The following TYK2 variants were observed in gnomAD, a reference collection of about 807,000 sequenced individuals.
The protein encoded by TYK2 is tyrosine kinase 2, also known as non-receptor tyrosine-protein kinase TYK2.
In TYK2, 65 loss-of-function variants were observed where a neutral mutation model predicts 130.9. That is an observed-to-expected ratio of 0.50 (90% confidence interval 0.41 to 0.61). The LOEUF (loss-of-function observed/expected upper bound fraction) is 0.61, where lower values mean the gene tolerates loss of function less well. TYK2 is among the 20% of genes least tolerant of loss of function. The pLI, the probability that TYK2 is intolerant of heterozygous loss-of-function variation, is 0.00. For missense variants in TYK2, 1,378 were observed against 1,610.7 expected (o/e 0.86, Z 2.47); for synonymous variants, 647 against 658.9 (o/e 0.98, Z 0.28).
rs554110174 is a variant in TYK2, at chr19:10,353,731, A to C, written c.2909-85T>G. ...ACCTTGAGCCCAGCAGAGCCCCTCC[A>C]AGGTCGGGAGGGAAGGCCAAGACCC... On this transcript the variant is annotated intron_variant, in intron 20 of 24. Coordinates refer to ENST00000525621, the MANE Select transcript of TYK2 (RefSeq NM_003331.5). The surrounding 1 kb of genome is among the most constrained non-coding windows in gnomAD (Gnocchi z 6.9). 84 of 1,093,772 alleles carry C rather than the reference A, an allele frequency of 7.7e-5. No homozygotes were observed. In the African/African-American group the frequency reaches 1.2e-3, roughly 15 times the overall value. 67.8% of individuals were successfully genotyped at this position (1,093,772 alleles called of 1,614,324 possible).
At chr19:10,371,735 T>C (rs1232146763) in intron 3 of TYK2, among the ~76,000 whole-genome samples, 1 of 152,316 alleles carries the variant, frequency 6.6e-6, no homozygotes, top group Non-Finnish European at 1.5e-5. Context: ...TAAAGCTTCA[T>C]GCAGAATGAC....
intron 3 of TYK2, among the ~76,000 whole-genome samples, chr19:10,372,224 A>T (rs1019208471): frequency 5.4e-5 from 8 of 148,076 alleles, no homozygotes; most frequent in African/African-American, 1.5e-4. Context: ...CAATCTCCTG[A>T]CCTCATGATT....
chr19:10,372,971 C>T (rs1010452387), intron 3 of TYK2, among the ~76,000 whole-genome samples: 1 of 151,958 alleles, frequency 6.6e-6, no homozygotes, highest in Non-Finnish European at 1.5e-5. Context: ...TCAAGTCATT[C>T]TCCTGTCTCA....
chr19:10,359,884 TG>T (rs575112767), intron 14 of TYK2, among the ~76,000 whole-genome samples: 60 of 151,518 alleles, frequency 4.0e-4, no homozygotes, highest in African/African-American at 1.3e-3. Flanking sequence ...CCAGGCATGG[TG>T]GTGGGCGCCG....
At position 10,368,339 on chromosome 19, in the gene TYK2, T is replaced by C. The variant is rs750751383; in HGVS notation, c.273A>G (p.Leu91=). 4 of 1,614,088 alleles carry C rather than the reference T, an allele frequency of 2.5e-6. No homozygotes were observed. The South Asian group carries it at 4.4e-5, about 18-fold the overall frequency. Residue 91 remains leucine (L), a synonymous_variant, in exon 4 of 25, where the codon CTA becomes CTG. Transcript: ENST00000525621. ...AQVWLPPNHI[L]EIPRDASLML... The stretch of plus-strand genomic sequence containing the variant: ...TCAGGCTTGCATCTCTGGGGATCTC[T>C]AGGATGTGGTTTGGGGGCAACCAGA...
intron 3 of TYK2, among the ~76,000 whole-genome samples, chr19:10,371,129 C>A (rs951767238): frequency 4.6e-5 from 7 of 151,804 alleles, no homozygotes; most frequent in Non-Finnish European, 7.4e-5. Context: ...CCATGCCCAG[C>A]TGATTTTTGT....
chr19:10,357,840 T>G lies in TYK2; in HGVS notation c.2390A>C (p.Lys797Thr), dbSNP rs1462090710. 1 of 1,613,586 alleles carries G rather than the reference T, an allele frequency of 6.2e-7. No individual in the cohort carries two copies. Among genetic ancestry groups the G allele is most frequent in the East Asian group, 2.2e-5 (1 of 44,878 alleles). Residue 797 changes from lysine (K) to threonine (T), a missense_variant, in exon 17 of 25, where the codon AAG (lysine) becomes ACG (threonine). Coordinates refer to ENST00000525621, the MANE Select transcript of TYK2 (RefSeq NM_003331.5). ...CAGGAGGGTGGCGCCAAACCCCCACTTGTCCATGGCGGTGCTTAGGCTGTT... is the reference window on the plus strand; with the variant it reads ...CAGGAGGGTGGCGCCAAACCCCCACGTGTCCATGGCGGTGCTTAGGCTGTT... The part of the protein sequence containing the change: ...GANSLSTAMD[K>T]WGFGATLLEI...
Position 10,365,809 on chromosome 19 carries a change from C to G in TYK2, c.719G>C (p.Arg240Thr). The G allele has an allele frequency of 6.2e-7, 1 of 1,612,426 alleles. No individual in the cohort carries two copies. The highest frequency in any genetic ancestry group is 1.7e-4 in the Middle Eastern group (1 of 6,060). ...GCCCGGCTGGAAGTCCCGCAGGAAC[C>G]TGCGGAAGACGTTCCGAAGGCGCAG... ...TRLRLRNVFR[R>T]FLRDFQPGRL... Residue 240 changes from arginine (R) to threonine (T), a missense_variant, in exon 7 of 25, where the codon AGG (arginine) becomes ACG (threonine). Coordinates refer to ENST00000525621, the MANE Select transcript of TYK2 (RefSeq NM_003331.5).
Position 10,365,759 on chromosome 19 carries a change from C to A in TYK2, c.769G>T (p.Val257Phe), listed in dbSNP as rs756150650. Residue 257 changes from valine (V) to phenylalanine (F), a missense_variant, in exon 7 of 25, where the codon GTC becomes TTC. Val to Phe is a conservative substitution (Grantham distance 50, BLOSUM62 -1). Transcript: ENST00000525621. ...PGRLSQQMVMVKYLATLERLA... is the reference protein window; with the variant it reads ...PGRLSQQMVMFKYLATLERLA... ...CGCTCGAGTGTGGCTAGGTATTTGA[C>A]CATGACCATCTGCTGGGAGAGTCGG... 2.5e-6 allele frequency: 4 copies of A among 1,612,756 alleles called. No homozygotes were observed. The African/African-American group carries it at 5.3e-5, about 22-fold the overall frequency.
chr19:10,371,439 G>T (rs951882651), intron 3 of TYK2, among the ~76,000 whole-genome samples: 1 of 151,894 alleles, frequency 6.6e-6, no homozygotes, highest in Non-Finnish European at 1.5e-5. Flanking sequence ...TCGGGAGTTC[G>T]AGACCAGCCT....
rs760862764 is a variant in TYK2, at chr19:10,353,119, G to A, written c.3028-21C>T. The A allele has an allele frequency of 5.4e-6, 8 of 1,486,476 alleles. No individual in the cohort carries two copies. The highest frequency in any genetic ancestry group is 1.8e-4 in the Middle Eastern group (1 of 5,446). The allele number at this position is 1,486,476 out of a possible 1,614,324, so 92.1% of individuals were successfully genotyped here. On this transcript the variant is annotated intron_variant, in intron 21 of 24. Coordinates refer to ENST00000525621, the MANE Select transcript of TYK2 (RefSeq NM_003331.5). The surrounding 1 kb of genome is among the most constrained non-coding windows in gnomAD (Gnocchi z 6.9). ...ATGCCCTGGGGACGGGGCAGGGCTC[G>A]TGAGTTTCAGTGGGGCGGGGTTCGG...
chr19:10,356,569 G>C lies in TYK2; in HGVS notation c.2616C>G (p.His872Gln), dbSNP rs745552967. 2 of 1,613,022 alleles carry C rather than the reference G, an allele frequency of 1.2e-6. No homozygotes were observed. Among genetic ancestry groups the C allele is most frequent in the East Asian group, 4.5e-5 (2 of 44,884 alleles). Reference protein sequence around the residue: ...ILRDLTRLQPHNLADVLTVNP... With the variant: ...ILRDLTRLQPQNLADVLTVNP... ...TCCCAGCACTGGGATGGAGCTCACT[G>C]TGGGGCTGCAGCCGGGTGAGGTCAC... is the stretch of plus-strand genomic sequence containing the variant. Residue 872 changes from histidine (H) to glutamine (Q), a missense_variant and splice_region_variant, in exon 18 of 25, where the codon CAC becomes CAG. His to Gln is a conservative substitution (Grantham distance 24). Transcript: ENST00000525621.
In TYK2 at chr19:10,353,452, T is replaced by C. The variant is rs1599327526; in HGVS notation, c.3027+76A>G. ...GCAGGGGCGGAGCGTGAGAGCAGAC[T>C]GCACCGGATCGCTCAGGCCAGCCCA... On this transcript the variant is annotated intron_variant, in intron 21 of 24. Coordinates refer to ENST00000525621, the MANE Select transcript of TYK2 (RefSeq NM_003331.5). The surrounding 1 kb of genome is among the most constrained non-coding windows in gnomAD (Gnocchi z 6.9). 5 of 1,050,670 alleles carry C rather than the reference T, an allele frequency of 4.8e-6. No homozygotes were observed. In the East Asian group the frequency reaches 1.1e-4, roughly 23 times the overall value. 65.1% of individuals were successfully genotyped at this position (1,050,670 alleles called of 1,614,324 possible).
intron 3 of TYK2, among the ~76,000 whole-genome samples, chr19:10,371,469 C>T (rs960649320): frequency 2.0e-5 from 3 of 151,788 alleles, no homozygotes; most frequent in South Asian, 2.1e-4. Flanking sequence ...GGAGAAACCC[C>T]GTCTCTACTA....
In TYK2 at chr19:10,353,464, C is replaced by A. The variant is rs545844060; in HGVS notation, c.3027+64G>T. The A allele has an allele frequency of 1.0e-5, 13 of 1,256,164 alleles. No homozygotes were observed. In the African/African-American group the frequency reaches 1.4e-4, roughly 13 times the overall value. 77.8% of individuals were successfully genotyped at this position (1,256,164 alleles called of 1,614,324 possible). A position where few individuals can be genotyped will look rare whatever the true frequency, so the allele number is the denominator to read the frequency against. ...CGTGAGAGCAGACTGCACCGGATCG[C>A]TCAGGCCAGCCCAAGCTGAAGAGGA... On this transcript the variant is annotated intron_variant, in intron 21 of 24. Coordinates refer to ENST00000525621, the MANE Select transcript of TYK2 (RefSeq NM_003331.5). The surrounding 1 kb of genome is among the most constrained non-coding windows in gnomAD (Gnocchi z 6.9).
rs1377334885 is a variant in TYK2 at position 10,365,008 on chromosome 19, A to C, written c.1052T>G (p.Leu351Arg). 11 of 1,611,902 alleles carry C rather than the reference A, an allele frequency of 6.8e-6. No individual in the cohort carries two copies. The highest frequency in any genetic ancestry group is 8.5e-6 in the Non-Finnish European group (10 of 1,178,738). The change falls in exon 8 of 25, where the codon CTG becomes CGG. Residue 351 changes from leucine (L) to arginine (R), a missense_variant. By Grantham distance (102) the Leu-to-Arg change is moderately radical. Transcript: ENST00000525621. ...GSSGRNPQAS[L>R]FGKKAKAHKA... ...GTGAGCCTTGGCCTTCTTCCCAAAC[A>C]GGCTGGCTTGGGGGTTCCTGCCACT...
chr19:10,355,146 G>T (rs1459282984), intron 18 of TYK2, among the ~76,000 whole-genome samples: 1 of 151,492 alleles, frequency 6.6e-6, no homozygotes, highest in Non-Finnish European at 1.5e-5. Flanking sequence ...AGAAAAACTG[G>T]CCAGGCGTGG....
chr19:10,359,764 G>A lies in TYK2; in HGVS notation c.2048-462C>T, dbSNP rs2041301162. On this transcript the variant is annotated intron_variant, in intron 14 of 24. Transcript: ENST00000525621. ...GGAGGCTGAGGCGGGCGGATCACAA[G>A]TTCAGGAGTTCGAGACCAGCCTGGT... Among the ~76,000 whole-genome samples, 2 of 152,098 alleles carry A rather than the reference G, an allele frequency of 1.3e-5. 1 individual carries two copies. Among genetic ancestry groups the A allele is most frequent in the South Asian group, 4.1e-4 (2 of 4,830 alleles).
In TYK2 at chr19:10,362,257, A is replaced by G. The variant is rs280519; in HGVS notation, c.1669+7T>C. On this transcript the variant is annotated splice_region_variant and intron_variant, in intron 11 of 24. Coordinates refer to ENST00000525621, the MANE Select transcript of TYK2 (RefSeq NM_003331.5). The stretch of plus-strand genomic sequence containing the variant: ...CATCCCACCCAGAGGTCCCCCTATC[A>G]TCGTACCTCCTGGTTGGGGCAGGCA... The G allele has an allele frequency of 0.52, 833,108 of 1,613,552 alleles. 217,520 individuals are homozygous for G. Among genetic ancestry groups the G allele is most frequent in the African/African-American group, 0.57 (42,565 of 74,884 alleles).
Sources: gnomAD v4.1 joint callset for allele counts (sites outside exome capture counted in the v4.1 genomes callset) on GRCh38, gnomAD v4.1.1 for gene constraint, Gnocchi (gnomAD v3.1) non-coding constraint, MANE v1.5 for transcripts, NCBI Gene and HGNC (gene_info 2026-07-23, HGNC 2026-07-21) for gene names.